The following MAST2 variants were observed in gnomAD, a reference collection of about 807,000 sequenced individuals.
The protein encoded by MAST2 is microtubule associated serine/threonine kinase 2.
Under a neutral mutation model 147.4 loss-of-function variants are expected in MAST2, and 70 were observed. That is an observed-to-expected ratio of 0.47 (90% CI 0.39 to 0.58). The LOEUF (loss-of-function observed/expected upper bound fraction) is 0.58. Ranked by LOEUF, MAST2 falls within the 20% of genes least tolerant of loss-of-function variation. The pLI is 0.00. For missense variants in MAST2, 2,080 were observed against 2,302.3 expected (o/e 0.90, Z 1.98); for synonymous variants, 869 against 896.8 (o/e 0.97, Z 0.55).
At chr1:46,011,074 T>TC (rs1645695393) in intron 10 of MAST2, 135 bp downstream of exon 10, 2 of 719,586 alleles carry the variant, frequency 2.8e-6, no homozygotes, top group Admixed American at 2.4e-5. Context: ...AAGGTAGAGC[T>TC]GAGGGACTTA....
At chr1:46,027,897 A>C (rs1249250626) in intron 17 of MAST2, 34 bp downstream of exon 17, 1 of 1,611,726 alleles carries the variant, frequency 6.2e-7, no homozygotes, top group African/African-American at 1.3e-5. Flanking sequence ...TGGGGGTTAA[A>C]TTCTAGGCCC....
At chr1:45,969,869 A>C (rs1643844421) in intron 5 of MAST2, among the ~76,000 whole-genome samples, 1 of 152,168 alleles carries the variant, frequency 6.6e-6, no homozygotes, top group Admixed American at 6.5e-5. Context: ...GGTGCCAAAA[A>C]GGTTGGGGAA....
chr1:45,965,624 T>C (rs1661074450), intron 5 of MAST2, among the ~76,000 whole-genome samples: 1 of 152,116 alleles, frequency 6.6e-6, no homozygotes, highest in South Asian at 2.1e-4. Flanking sequence ...GTGTATTCAG[T>C]ATTAAATATC....
intron 4 of MAST2, among the ~76,000 whole-genome samples, chr1:45,957,201 T>C (rs76577853): frequency 6.6e-6 from 1 of 152,350 alleles, no homozygotes; most frequent in East Asian, 1.9e-4. Flanking sequence ...GCTTTCAGCA[T>C]AATTATTTGT....
At chr1:46,024,123 G>C (rs1646304011) in intron 15 of MAST2, 143 bp downstream of exon 15, 3 of 767,622 alleles carry the variant, frequency 3.9e-6, no homozygotes, top group Non-Finnish European at 6.5e-6. Context: ...TCTGCCTCAG[G>C]ATCACAGAGA....
intron 2 of MAST2, among the ~76,000 whole-genome samples, chr1:45,827,988 T>C (rs1644843943): frequency 6.6e-6 from 1 of 151,874 alleles, no homozygotes; most frequent in Non-Finnish European, 1.5e-5. Flanking sequence ...CACACCACCA[T>C]GCCTGGCTAA....
chr1:45,870,972 TTTG>T (rs1284105320), intron 3 of MAST2, among the ~76,000 whole-genome samples: 1 of 152,014 alleles, frequency 6.6e-6, no homozygotes, highest in Non-Finnish European at 1.5e-5. Flanking sequence ...GAAGATTTTT[TTTG>T]TTGTTGTTAG....
chr1:46,029,195 A>G (rs890136758), intron 18 of MAST2: 1 of 547,106 alleles, frequency 1.8e-6, no homozygotes, highest in Non-Finnish European at 3.2e-6. Flanking sequence ...GTATGTGCAC[A>G]TCCCATAAGT....
At chr1:45,922,556 C>T (rs533712696) in intron 4 of MAST2, among the ~76,000 whole-genome samples, 47 of 152,232 alleles carry the variant, frequency 3.1e-4, no homozygotes, top group Non-Finnish European at 6.8e-4. Context: ...GCTGTGACAG[C>T]TCCCGGGCTG....
rs777909443 is a variant in MAST2 at position 46,032,294 on chromosome 1, A to G, written c.3304A>G (p.Arg1102Gly). The change falls in exon 25 of 29, where the codon AGG becomes GGG. Residue 1102 changes from arginine to glycine, a missense_variant. Around this residue, in one of 4 missense-constraint regions of MAST2, gnomAD observed 1,278 missense variants for 1,304.2 expected, o/e 0.98. Transcript: ENST00000361297. ...RDFLPALGSM[R>G]PPIIIHRAGK... is the part of the protein sequence containing the mutation. ...CTTCTTGCCAGCCCTTGGCAGCATGAGGCCTCCCATCATCATCCACCGAGC... is the reference window on the plus strand; with the variant it reads ...CTTCTTGCCAGCCCTTGGCAGCATGGGGCCTCCCATCATCATCCACCGAGC... The G allele has an allele frequency of 6.2e-7, 1 of 1,614,206 alleles. No individual in the cohort carries two copies. Among genetic ancestry groups the G allele is most frequent in the South Asian group, 1.1e-5 (1 of 91,080 alleles).
At chr1:45,893,166 G>C (rs1373454719) in intron 4 of MAST2, among the ~76,000 whole-genome samples, 3 of 151,978 alleles carry the variant, frequency 2.0e-5, no homozygotes, top group Non-Finnish European at 4.4e-5. Context: ...TAAAAGTAAG[G>C]TTGTTACCAA....
intron 5 of MAST2, among the ~76,000 whole-genome samples, chr1:45,962,602 A>G (rs1329738881): frequency 3.3e-5 from 5 of 152,166 alleles, no homozygotes; most frequent in Non-Finnish European, 7.4e-5. Context: ...TCCTTCGCCC[A>G]CTTTGTGATG....
In MAST2 at chr1:45,864,021, A is replaced by G. The variant is rs114678358; in HGVS notation, c.469-18343A>G. ...AAGTTGGAAAGTTTAAACGTTGCTT[A>G]TGGAGTGTGTAAGGAACAGAATCAT... On this transcript the variant is annotated intron_variant, in intron 3 of 28. Coordinates refer to ENST00000361297, the MANE Select transcript of MAST2 (RefSeq NM_015112.3). 7.2e-3 allele frequency among the ~76,000 whole-genome samples: 1,090 copies of G among 152,314 alleles called. 15 individuals are homozygous for G. Among genetic ancestry groups the G allele is most frequent in the South Asian group, 0.018 (86 of 4,828 alleles).
At chr1:45,989,626 A>G (rs953249166) in intron 5 of MAST2, among the ~76,000 whole-genome samples, 2 of 151,728 alleles carry the variant, frequency 1.3e-5, no homozygotes, top group African/African-American at 4.8e-5. Context: ...ATTACTCTCT[A>G]GGTTATAAAG....
At chr1:45,931,264 C>G (rs1057127062) in intron 4 of MAST2, among the ~76,000 whole-genome samples, 1 of 151,662 alleles carries the variant, frequency 6.6e-6, no homozygotes, top group Non-Finnish European at 1.5e-5. Flanking sequence ...GATTACAGAC[C>G]AGTTTATTTG....
intron 4 of MAST2, among the ~76,000 whole-genome samples, chr1:45,954,092 A>C (rs978729673): frequency 6.6e-6 from 1 of 152,116 alleles, no homozygotes; most frequent in African/African-American, 2.4e-5. Flanking sequence ...CTAAATTCTA[A>C]AAGGTGCCTG....
chr1:45,845,790 T>C lies in MAST2; in HGVS notation c.468+16209T>C, dbSNP rs1406492339. Among the ~76,000 whole-genome samples the C allele has an allele frequency of 3.3e-5, 5 of 152,304 alleles. No individual in the cohort carries two copies. The South Asian group carries it at 1.0e-3, about 32-fold the overall frequency. ...CTCTTTTTCCTTTTTTGAGACGGAG[T>C]GTCTCTGTCGCCCAGGCTGGAGTGC... On this transcript the variant is annotated intron_variant, in intron 3 of 28. Transcript: ENST00000361297.
chr1:46,005,068 A>G (rs1645428139), intron 7 of MAST2, among the ~76,000 whole-genome samples: 1 of 152,098 alleles, frequency 6.6e-6, no homozygotes, highest in African/African-American at 2.4e-5. Context: ...TCCTGTCTCT[A>G]AAAAAACAAA....
chr1:45,914,987 C>T (rs1203190148), intron 4 of MAST2, among the ~76,000 whole-genome samples: 2 of 152,116 alleles, frequency 1.3e-5, no homozygotes, highest in Admixed American at 6.5e-5. Flanking sequence ...ATGGCCCAGG[C>T]GGGAGGGCAG....
Sources: gnomAD v4.1 joint callset for allele counts (sites outside exome capture counted in the v4.1 genomes callset) on GRCh38, gnomAD v4.1.1 for gene constraint, gnomAD v4.1.1 regional missense constraint, MANE v1.5 for transcripts, NCBI Gene and HGNC (gene_info 2026-07-23, HGNC 2026-07-21) for gene names.